The following PALM2AKAP2 variants were observed in gnomAD, a reference collection of about 807,000 sequenced individuals.
The protein encoded by PALM2AKAP2 is PALM2-AKAP2 fusion protein.
Under a neutral mutation model 71.5 loss-of-function variants are expected in PALM2AKAP2, and 37 were observed. That is an observed-to-expected ratio of 0.52 (90% CI 0.40 to 0.68). PALM2AKAP2 has a LOEUF of 0.68. PALM2AKAP2 is among the 30% of genes least tolerant of loss of function. The probability of loss-of-function intolerance (pLI) is 0.00; values close to 1 mark genes in which losing one functional copy is unlikely to be tolerated. For missense variants in PALM2AKAP2, 1,224 were observed against 1,191.8 expected (o/e 1.03, Z -0.40); for synonymous variants, 468 against 478.8 (o/e 0.98, Z 0.29).
At chr9:109,885,732 G>A (rs149064177) in intron 3 of PALM2AKAP2, among the ~76,000 whole-genome samples, 3 of 152,292 alleles carry the variant, frequency 2.0e-5, no homozygotes, top group Non-Finnish European at 2.9e-5. Context: ...AGTAGCTCTG[G>A]CTTAGAGCTG....
At chr9:110,003,330 T>A (rs1280177191) in intron 6 of PALM2AKAP2, among the ~76,000 whole-genome samples, 4 of 152,168 alleles carry the variant, frequency 2.6e-5, no homozygotes, top group African/African-American at 9.7e-5. Context: ...GTTTCCATGT[T>A]GTTATGCGGT....
intron 1 of PALM2AKAP2, among the ~76,000 whole-genome samples, chr9:109,734,141 C>T (rs1305675793): frequency 3.3e-5 from 5 of 152,172 alleles, no homozygotes; most frequent in Non-Finnish European, 5.9e-5. Context: ...ATTTTGTTTT[C>T]ATTTCATTTA....
At chr9:109,731,505 G>A (rs1398477926) in intron 1 of PALM2AKAP2, among the ~76,000 whole-genome samples, 1 of 152,140 alleles carries the variant, frequency 6.6e-6, no homozygotes, top group African/African-American at 2.4e-5. Context: ...GAACTAGAAT[G>A]TTTAAACTGG....
chr9:110,025,321 T>A, intron 7 of PALM2AKAP2: 1 of 1,196,808 alleles, frequency 8.4e-7, no homozygotes, highest in Non-Finnish European at 1.2e-6. Context: ...AGAGAACATA[T>A]GTCGGGAGCC....
At chr9:109,878,917 A>G (rs560945199) in intron 2 of PALM2AKAP2, among the ~76,000 whole-genome samples, 1 of 152,080 alleles carries the variant, frequency 6.6e-6, no homozygotes, top group Non-Finnish European at 1.5e-5. Flanking sequence ...TTGTATTTTT[A>G]GTTGACATGG....
At chr9:109,721,289 C>T (rs1828401159) in intron 1 of PALM2AKAP2, among the ~76,000 whole-genome samples, 1 of 152,086 alleles carries the variant, frequency 6.6e-6, no homozygotes, top group Non-Finnish European at 1.5e-5. Context: ...AGACCTTGAT[C>T]TCCCTTCCCA....
intron 1 of PALM2AKAP2, among the ~76,000 whole-genome samples, chr9:109,711,197 G>C (rs969724560): frequency 6.6e-6 from 1 of 151,950 alleles, no homozygotes; most frequent in African/African-American, 2.4e-5. Context: ...GTAGTAGCCT[G>C]GTAGTAGCCT....
At chr9:109,773,754 G>T (rs1829309160) in intron 1 of PALM2AKAP2, among the ~76,000 whole-genome samples, 1 of 134,200 alleles carries the variant, frequency 7.5e-6, no homozygotes, top group African/African-American at 3.0e-5. Flanking sequence ...TTTGTCTTAT[G>T]TTCATTCCAC....
At chr9:110,015,729 A>G (rs1056428477) in intron 6 of PALM2AKAP2, among the ~76,000 whole-genome samples, 2 of 152,220 alleles carry the variant, frequency 1.3e-5, no homozygotes, top group Non-Finnish European at 2.9e-5. Context: ...GATTTAGACA[A>G]TGGATCCTAA....
chr9:109,935,793 C>T (rs1024770866), intron 6 of PALM2AKAP2, among the ~76,000 whole-genome samples: 11 of 152,266 alleles, frequency 7.2e-5, no homozygotes, highest in Admixed American at 5.9e-4. Flanking sequence ...GAACTGGGAC[C>T]CTGATCCCAA....
At chr9:109,807,939 C>T (rs752881613) in intron 1 of PALM2AKAP2, among the ~76,000 whole-genome samples, 19 of 152,178 alleles carry the variant, frequency 1.2e-4, no homozygotes, top group Non-Finnish European at 1.2e-4. Context: ...CTGGGCACTC[C>T]TCCTTCCTGC....
intron 1 of PALM2AKAP2, among the ~76,000 whole-genome samples, chr9:109,741,921 T>G (rs1828720396): frequency 6.6e-6 from 1 of 152,112 alleles, no homozygotes; most frequent in Admixed American, 6.5e-5. Context: ...GTTGCTGGGG[T>G]GTCTTAAATT....
chr9:109,981,375 A>G lies in PALM2AKAP2; in HGVS notation c.497-34579A>G, dbSNP rs539291535. On this transcript the variant is annotated intron_variant, in intron 6 of 9. Transcript: ENST00000302798. The stretch of plus-strand genomic sequence containing the variant: ...TGTTATTAGCACACCTAAGCTGCTT[A>G]GATGGGCTTGAAGGGTTGAGAGAAC... Among the ~76,000 whole-genome samples, 5 of 152,352 alleles carry G rather than the reference A, an allele frequency of 3.3e-5. 1 individual carries two copies. Among genetic ancestry groups the G allele is most frequent in the African/African-American group, 1.2e-4 (5 of 41,586 alleles).
chr9:109,668,269 C>T (rs1827520489), intron 1 of PALM2AKAP2, among the ~76,000 whole-genome samples: 1 of 152,152 alleles, frequency 6.6e-6, no homozygotes, highest in Non-Finnish European at 1.5e-5. Context: ...GCTACATATC[C>T]CTCTGCCAAC....
At chr9:109,928,998 GC>G (rs1454848996) in intron 5 of PALM2AKAP2, among the ~76,000 whole-genome samples, 1 of 152,024 alleles carries the variant, frequency 6.6e-6, no homozygotes, top group African/African-American at 2.4e-5. Context: ...AAGCCATGTA[GC>G]CCAACCCTCT....
chr9:109,649,081 G>C (rs1827190274), intron 1 of PALM2AKAP2, among the ~76,000 whole-genome samples: 1 of 151,376 alleles, frequency 6.6e-6, no homozygotes, highest in Non-Finnish European at 1.5e-5. Flanking sequence ...CTTTGATGCT[G>C]ATCAAGTTAT....
At chr9:109,736,654 A>G (rs766694953) in intron 1 of PALM2AKAP2, among the ~76,000 whole-genome samples, 11 of 152,132 alleles carry the variant, frequency 7.2e-5, no homozygotes, top group Non-Finnish European at 1.6e-4. Context: ...TCTTAAATGT[A>G]TCTATCGCGT....
intron 3 of PALM2AKAP2, among the ~76,000 whole-genome samples, chr9:109,894,681 A>T (rs1830159111): frequency 6.6e-6 from 1 of 152,180 alleles, no homozygotes; most frequent in South Asian, 2.1e-4. Flanking sequence ...TCTGTGATGG[A>T]TTGGGATCAG....
intron 2 of PALM2AKAP2, among the ~76,000 whole-genome samples, chr9:110,148,088 C>T (rs1030039584): frequency 7.9e-5 from 12 of 152,058 alleles, no homozygotes; most frequent in Admixed American, 7.2e-4. Context: ...AATCTTCACA[C>T]AGCCAAGCCC....
Sources: gnomAD v4.1 joint callset for allele counts (sites outside exome capture counted in the v4.1 genomes callset) on GRCh38, gnomAD v4.1.1 for gene constraint, MANE v1.5 for transcripts, NCBI Gene and HGNC (gene_info 2026-07-23, HGNC 2026-07-21) for gene names.